Variants in OR1F1 observed in about 807,000 individuals in gnomAD.
OR1F1 encodes olfactory receptor family 1 subfamily F member 1.
For missense variants in OR1F1, 493 were observed against 376.3 expected (o/e 1.31, Z -2.57); for synonymous variants, 184 against 156.7 (o/e 1.17, Z -1.30).
At chr16:3,193,112 A>G in the OR1F1 span, among the ~76,000 whole-genome samples, 2 of 151,984 alleles carry the variant, frequency 1.3e-5, no homozygotes, top group Non-Finnish European at 2.9e-5. Context: ...TTTTTAGTAG[A>G]GACGGGGTTT....
chr16:3,196,411 T>A, the OR1F1 span, among the ~76,000 whole-genome samples: 94 of 152,196 alleles, frequency 6.2e-4, no homozygotes, highest in Middle Eastern at 3.4e-3. Flanking sequence ...TGAGATGGGG[T>A]CTCCCTCTGT....
At chr16:3,189,269 G>T in the OR1F1 span, among the ~76,000 whole-genome samples, 1 of 152,214 alleles carries the variant, frequency 6.6e-6, no homozygotes, top group African/African-American at 2.4e-5. Context: ...TGCAGTGATC[G>T]AGGCTCGCAG....
chr16:3,204,923 T>C (rs1958185743), exon 1 of OR1F1: 1 of 1,614,204 alleles, frequency 6.2e-7, no homozygotes, highest in East Asian at 2.2e-5. Context: ...TGCACTGTCC[T>C]GAAGGTCCCA....
the OR1F1 span, among the ~76,000 whole-genome samples, chr16:3,191,073 C>G: frequency 5.9e-5 from 9 of 152,166 alleles, no homozygotes; most frequent in African/African-American, 2.2e-4. Context: ...CTGTGAGCTC[C>G]CAGTGAGCTT....
upstream of OR1F1, among the ~76,000 whole-genome samples, chr16:3,204,085 C>T (rs1175882738): frequency 6.6e-6 from 1 of 152,124 alleles, no homozygotes; most frequent in Non-Finnish European, 1.5e-5. Flanking sequence ...AAACCTGAGC[C>T]CTGAACATAG....
the OR1F1 span, among the ~76,000 whole-genome samples, chr16:3,188,919 G>A: frequency 3.8e-4 from 58 of 152,350 alleles, no homozygotes; most frequent in African/African-American, 1.4e-3. Context: ...GGGGCGCATC[G>A]CAGAATCGCC....
chr16:3,203,548 G>A (rs560442496), upstream of OR1F1, among the ~76,000 whole-genome samples: 26 of 152,290 alleles, frequency 1.7e-4, no homozygotes, highest in Non-Finnish European at 2.4e-4. Context: ...GGCGGATCAC[G>A]AGGTCAAGAG....
At chr16:3,203,137 A>T (rs942890349), upstream of OR1F1, among the ~76,000 whole-genome samples, 1 of 152,232 alleles carries the variant, frequency 6.6e-6, no homozygotes, top group Non-Finnish European at 1.5e-5. Flanking sequence ...GGAATTATGT[A>T]TGACAAAGCT....
the OR1F1 span, among the ~76,000 whole-genome samples, chr16:3,191,023 CACAGTAGGTT>C: frequency 2.0e-5 from 3 of 152,176 alleles, no homozygotes; most frequent in Non-Finnish European, 4.4e-5. Flanking sequence ...ACATGCACGT[CACAGTAGGTT>C]ACAGTGCGGA....
the OR1F1 span, among the ~76,000 whole-genome samples, chr16:3,195,996 G>A: frequency 7.9e-5 from 12 of 152,232 alleles, no homozygotes; most frequent in Admixed American, 2.6e-4. Flanking sequence ...TGTGCCACCC[G>A]CCAGCAGGAC....
At chr16:3,193,019 C>T in the OR1F1 span, among the ~76,000 whole-genome samples, 1 of 152,192 alleles carries the variant, frequency 6.6e-6, no homozygotes, top group Admixed American at 6.5e-5. Flanking sequence ...TCACTGCAGC[C>T]TCCGCCTCCC....
the OR1F1 span, among the ~76,000 whole-genome samples, chr16:3,197,390 T>C: frequency 2.0e-5 from 3 of 152,208 alleles, no homozygotes; most frequent in Non-Finnish European, 4.4e-5. Flanking sequence ...ATATACATTA[T>C]CAATGAGATA....
chr16:3,194,314 A>G, the OR1F1 span, among the ~76,000 whole-genome samples: 1 of 152,172 alleles, frequency 6.6e-6, no homozygotes, highest in Non-Finnish European at 1.5e-5. Context: ...CTGTTTTAGA[A>G]AGCACCCCTT....
chr16:3,202,639 C>T (rs1199680926), upstream of OR1F1, among the ~76,000 whole-genome samples: 1 of 148,834 alleles, frequency 6.7e-6, no homozygotes, highest in Non-Finnish European at 1.5e-5. Context: ...GCCTGGGCAA[C>T]AAGAATGAAA....
downstream of OR1F1, chr16:3,205,255 T>TAC: frequency 1.8e-6 from 2 of 1,085,972 alleles, no homozygotes; most frequent in Non-Finnish European, 2.7e-6. Flanking sequence ...AATGCAGTAG[T>TAC]TGTTTCATTA....
chr16:3,198,343 G>A, the OR1F1 span, among the ~76,000 whole-genome samples: 1 of 152,036 alleles, frequency 6.6e-6, no homozygotes, highest in Non-Finnish European at 1.5e-5. Context: ...GGATTCTGAA[G>A]GCACAAAATA....
the OR1F1 span, among the ~76,000 whole-genome samples, chr16:3,191,580 T>C: frequency 6.7e-6 from 1 of 149,652 alleles, no homozygotes; most frequent in Non-Finnish European, 1.5e-5. Context: ...GGCGACTTGT[T>C]TTCTTCCTTG....
the OR1F1 span, among the ~76,000 whole-genome samples, chr16:3,192,158 GC>G: frequency 1.4e-4 from 22 of 152,290 alleles, no homozygotes; most frequent in African/African-American, 4.6e-4. Flanking sequence ...CTGGGTTCAC[GC>G]CATTCTCCTG....
At chr16:3,193,116 G>A in the OR1F1 span, among the ~76,000 whole-genome samples, 1 of 152,018 alleles carries the variant, frequency 6.6e-6, no homozygotes, top group Non-Finnish European at 1.5e-5. Flanking sequence ...TAGTAGAGAC[G>A]GGGTTTCGCC....
Sources: gnomAD v4.1 joint callset for allele counts (sites outside exome capture counted in the v4.1 genomes callset) on GRCh38, gnomAD v4.1.1 for gene constraint, MANE v1.5 for transcripts, NCBI Gene and HGNC (gene_info 2026-07-23, HGNC 2026-07-21) for gene names.